The following TNS3 variants were observed in gnomAD, a reference collection of about 807,000 sequenced individuals.
TNS3 encodes the protein tensin-3.
A neutral mutation model predicts 140.9 loss-of-function variants in TNS3; 45 were observed. The observed-to-expected ratio is 0.32, with a 90% CI of 0.25 to 0.41. TNS3 has a LOEUF of 0.41. TNS3 is among the 10% of genes least tolerant of loss of function. The probability of loss-of-function intolerance (pLI) is 1.00; values close to 1 mark genes in which losing one functional copy is unlikely to be tolerated. For missense variants in TNS3, 1,716 were observed against 1,906.7 expected, an observed-to-expected ratio of 0.90 and a Z score of 1.86; for synonymous variants, 815 against 788.4, an observed-to-expected ratio of 1.03 and a Z score of -0.56.
In TNS3 at chr7:47,326,434, T is replaced by C. The variant is rs147207535; in HGVS notation, c.2650+18321A>G. On this transcript the variant is annotated intron_variant, in intron 20 of 30. Transcript: ENST00000311160. ...AACGCAGAATGTAATACAATTACTC[T>C]GCCCCTACAGGAGGACAAGGAACCT... Among the ~76,000 whole-genome samples the C allele has an allele frequency of 3.6e-4, 55 of 152,288 alleles. 1 individual carries two copies. The highest frequency in any genetic ancestry group is 1.3e-3 in the African/African-American group (52 of 41,566).
chr7:47,462,461 C>T (rs1247404995), intron 4 of TNS3, among the ~76,000 whole-genome samples: 5 of 152,224 alleles, frequency 3.3e-5, no homozygotes, highest in Admixed American at 6.5e-5. Context: ...GTGACTAGAG[C>T]TCGCAGGACC....
chr7:47,379,416 T>C (rs1791613943), intron 16 of TNS3, among the ~76,000 whole-genome samples: 1 of 152,242 alleles, frequency 6.6e-6, no homozygotes, highest in Non-Finnish European at 1.5e-5. Context: ...CTTTGCTAAT[T>C]AATGATTTTT....
At chr7:47,437,745 T>TACACACACACACACAC (rs67341898) in intron 6 of TNS3, among the ~76,000 whole-genome samples, 1 of 135,814 alleles carries the variant, frequency 7.4e-6, no homozygotes, top group Non-Finnish European at 1.6e-5. Context: ...ACATATAGGA[T>TACACACACACACACAC]ACACACACAC....
At chr7:47,560,828 G>A (rs58275132) in intron 1 of TNS3, among the ~76,000 whole-genome samples, 5,985 of 152,204 alleles carry the variant, frequency 0.039, 366 homozygotes, top group African/African-American at 0.14. Context: ...GAACCCAGGC[G>A]CCACCAGATC....
intron 4 of TNS3, among the ~76,000 whole-genome samples, chr7:47,480,010 G>A (rs1316506964): frequency 6.6e-6 from 1 of 152,202 alleles, no homozygotes; most frequent in East Asian, 1.9e-4. Flanking sequence ...GCAAGGCCCA[G>A]CCACTGGAGC....
intron 20 of TNS3, among the ~76,000 whole-genome samples, chr7:47,320,968 A>G (rs941769800): frequency 6.6e-6 from 1 of 152,216 alleles, no homozygotes; most frequent in Non-Finnish European, 1.5e-5. Context: ...CATCGCGACG[A>G]GGAAGAAATG....
At chr7:47,358,044 T>C (rs923907952) in intron 17 of TNS3, among the ~76,000 whole-genome samples, 1 of 152,188 alleles carries the variant, frequency 6.6e-6, no homozygotes, top group Non-Finnish European at 1.5e-5. Context: ...TCAATGGGGC[T>C]TCTGTACAGG....
chr7:47,470,763 G>A (rs139972784), intron 4 of TNS3: 25 of 528,214 alleles, frequency 4.7e-5, no homozygotes, highest in African/African-American at 3.9e-4. Flanking sequence ...TTGTGCTCCC[G>A]GGTGGATGTA....
chr7:47,375,534 G>A (rs1791329024), intron 16 of TNS3, among the ~76,000 whole-genome samples: 1 of 152,156 alleles, frequency 6.6e-6, no homozygotes, highest in Non-Finnish European at 1.5e-5. Context: ...CACCTTCCCT[G>A]CAGGGGATCC....
chr7:47,559,822 A>G (rs1335472122), intron 1 of TNS3, among the ~76,000 whole-genome samples: 1 of 152,196 alleles, frequency 6.6e-6, no homozygotes, highest in Non-Finnish European at 1.5e-5. Flanking sequence ...ACACGCAGAG[A>G]GAGCTGCTGT....
chr7:47,356,540 GA>G (rs1341543255), intron 17 of TNS3, among the ~76,000 whole-genome samples: 1 of 152,164 alleles, frequency 6.6e-6, no homozygotes, highest in African/African-American at 2.4e-5. Context: ...CAACATGCAA[GA>G]CAAAGTGTCC....
At chr7:47,343,882 A>G (rs944602121) in intron 20 of TNS3, among the ~76,000 whole-genome samples, 2 of 152,212 alleles carry the variant, frequency 1.3e-5, no homozygotes, top group African/African-American at 4.8e-5. Context: ...TTTCTATTAC[A>G]TAGTCCACAG....
At position 47,283,807 on chromosome 7, in the gene TNS3, C is replaced by A; in HGVS notation, c.3987G>T (p.Ala1329=). Reference sequence around the variant, plus strand: ...GGGTGATGCTCAGGGCCTTCTGGATCGCCTGGTGGCCGGTGAGGGACTCCA... The same window carrying A: ...GGGTGATGCTCAGGGCCTTCTGGATAGCCTGGTGGCCGGTGAGGGACTCCA... The part of the protein sequence containing the change: ...VEMESLTGHQ[A]IQKALSITLV... Residue 1329 remains alanine (A), a synonymous_variant, in exon 28 of 31, where the codon GCG becomes GCT. Coordinates refer to ENST00000311160, the MANE Select transcript of TNS3 (RefSeq NM_022748.12). 6.2e-7 allele frequency: 1 copy of A among 1,611,722 alleles called. No homozygotes were observed. Among genetic ancestry groups the A allele is most frequent in the Non-Finnish European group, 8.5e-7 (1 of 1,178,910 alleles).
chr7:47,569,363 T>C (rs1451196613), intron 1 of TNS3, among the ~76,000 whole-genome samples: 1 of 144,064 alleles, frequency 6.9e-6, no homozygotes, highest in Non-Finnish European at 1.5e-5. Context: ...GCCAACATGA[T>C]GAAACCCCGT....
intron 16 of TNS3, chr7:47,396,452 T>C: frequency 3.9e-6 from 1 of 258,818 alleles, no homozygotes; most frequent in Non-Finnish European, 7.4e-6. Context: ...TGGCCAGCGC[T>C]TGGCATCCCC....
intron 4 of TNS3, among the ~76,000 whole-genome samples, chr7:47,456,129 G>A (rs1796235768): frequency 6.6e-6 from 1 of 152,172 alleles, no homozygotes; most frequent in East Asian, 1.9e-4. Flanking sequence ...ATTAATATAA[G>A]GGGAACACTG....
intron 20 of TNS3, among the ~76,000 whole-genome samples, chr7:47,339,956 C>CAT (rs35991026): frequency 0.31 from 42,186 of 135,920 alleles, 7,190 homozygotes; most frequent in Middle Eastern, 0.45. Context: ...TTATAAGTGG[C>CAT]ATATATATAT....
intron 3 of TNS3, among the ~76,000 whole-genome samples, chr7:47,493,815 G>A (rs1372426210): frequency 6.7e-5 from 10 of 149,014 alleles, no homozygotes; most frequent in Non-Finnish European, 1.2e-4. Context: ...GCAACAGAGC[G>A]AGACTCCGTC....
At chr7:47,433,412 T>G (rs1795019322) in intron 8 of TNS3, among the ~76,000 whole-genome samples, 1 of 152,120 alleles carries the variant, frequency 6.6e-6, no homozygotes, top group East Asian at 1.9e-4. Context: ...TCTGAGAAGT[T>G]TCAACATGTT....
Sources: allele counts gnomAD v4.1 joint callset (sites outside exome capture counted in the v4.1 genomes callset), GRCh38; gene constraint gnomAD v4.1.1; transcripts MANE v1.5; gene names NCBI Gene and HGNC (gene_info 2026-07-23, HGNC 2026-07-21).